PDE4DIP: variants seen among roughly 807,000 people sequenced by gnomAD.
PDE4DIP encodes phosphodiesterase 4D interacting protein.
In PDE4DIP, 59 loss-of-function variants were observed where a neutral mutation model predicts 221.4. That is an observed-to-expected ratio of 0.27 (90% CI 0.22 to 0.33). The LOEUF (loss-of-function observed/expected upper bound fraction) is 0.33. Among genes scored for constraint, PDE4DIP ranks in the 10% least tolerant of loss-of-function variants. The pLI is 1.00. For synonymous variants in PDE4DIP, 404 were observed against 815.9 expected (o/e 0.50, Z 8.60); for missense variants, 1,036 against 2,154.2 (o/e 0.48, Z 10.28).
chr1:149,025,902 C>G (rs1559422016), intron 38 of PDE4DIP: 1 of 152,222 alleles, frequency 6.6e-6, no homozygotes, highest in African/African-American at 2.4e-5. Context: ...GCCTGACCAC[C>G]AGGCACTGCT....
At chr1:149,018,020 G>A (rs2071289915) in intron 34 of PDE4DIP, 141 bp downstream of exon 37, 1 of 688,446 alleles carries the variant, frequency 1.5e-6, no homozygotes, top group African/African-American at 1.8e-5. Flanking sequence ...CCTACTTTCT[G>A]AATATATCTG....
intron 19 of PDE4DIP, among the ~76,000 whole-genome samples, chr1:148,978,661 C>T (rs1193375765): frequency 5.9e-5 from 9 of 152,008 alleles, no homozygotes; most frequent in Non-Finnish European, 1.3e-4. Context: ...CAGCTCACTG[C>T]AGCCTCAAAC....
rs1235067994 is a variant in PDE4DIP, at chr1:148,857,291, T to A, written c.234-5959T>A. On this transcript the variant is annotated intron_variant, in intron 1 of 45. Transcript: ENST00000524974. ...CCACTCTAAACCTCCGGACTTTTTA[T>A]TTCTCTGCGTTCTTTTCTAGTTTGT... is the stretch of plus-strand genomic sequence containing the variant. 1.0e-4 allele frequency among the ~76,000 whole-genome samples: 9 copies of A among 86,030 alleles called. 3 individuals carry two copies. The highest frequency in any genetic ancestry group is 4.1e-4 in the Admixed American group (4 of 9,856). The allele number at this position is 86,030 out of a possible 152,430, so 56.4% of individuals were successfully genotyped here. A position where few individuals can be genotyped will look rare whatever the true frequency, so the allele number is the denominator to read the frequency against.
exon 27 of PDE4DIP, chr1:149,005,039 G>C: frequency 6.2e-7 from 1 of 1,604,086 alleles, no homozygotes; most frequent in Non-Finnish European, 8.5e-7. Flanking sequence ...TAGGGAAGCA[G>C]GAAGAGTTCC....
At chr1:148,912,328 T>C (rs1553454998) in intron 1 of PDE4DIP, among the ~76,000 whole-genome samples, 2 of 145,316 alleles carry the variant, frequency 1.4e-5, no homozygotes, top group African/African-American at 5.3e-5. Flanking sequence ...AGTTTTTCCT[T>C]TCATGTTTTG....
intron 22 of PDE4DIP, chr1:148,992,349 T>C (rs781821597): frequency 1.2e-5 from 18 of 1,559,562 alleles, no homozygotes; most frequent in Non-Finnish European, 1.5e-5. Flanking sequence ...CAGGGAGTCA[T>C]CGAAGGGCTG....
intron 14 of PDE4DIP, among the ~76,000 whole-genome samples, chr1:148,971,875 C>CAAAATTG (rs2059285137): frequency 7.2e-6 from 1 of 138,148 alleles, no homozygotes; most frequent in Non-Finnish European, 1.6e-5. Flanking sequence ...AAACCAGAAT[C>CAAAATTG]TTAACACCTT....
At chr1:148,963,734 CTCTT>C (rs1231484506) in intron 9 of PDE4DIP, among the ~76,000 whole-genome samples, 1 of 147,188 alleles carries the variant, frequency 6.8e-6, no homozygotes, top group Non-Finnish European at 1.5e-5. Flanking sequence ...TCTTTCCTCT[CTCTT>C]TCTTTCCTTC....
chr1:148,931,736 C>T (rs2798871), intron 2 of PDE4DIP, 64 bp from the exon 6 acceptor site: 118,808 of 1,169,180 alleles, frequency 0.1, 1,753 homozygotes, highest in African/African-American at 0.21. Context: ...AAAGAACAAC[C>T]TTAATGGTTC....
exon 31 of PDE4DIP, chr1:149,010,558 C>T (rs782574602): frequency 6.2e-7 from 1 of 1,614,108 alleles, no homozygotes; most frequent in Non-Finnish European, 8.5e-7. Flanking sequence ...TGCCAACTCC[C>T]CAGAATACCC....
chr1:148,919,702 A>G (rs1371712519), intron 1 of PDE4DIP, among the ~76,000 whole-genome samples: 6 of 151,726 alleles, frequency 4.0e-5, no homozygotes, highest in Non-Finnish European at 5.9e-5. Flanking sequence ...AATAAAACCC[A>G]TTCACTAATA....
At chr1:149,023,881 T>G (rs1433489984) in intron 37 of PDE4DIP, among the ~76,000 whole-genome samples, 1 of 151,202 alleles carries the variant, frequency 6.6e-6, no homozygotes, top group Non-Finnish European at 1.5e-5. Flanking sequence ...ACAACATATA[T>G]AAACACACTA....
chr1:148,995,506 A>G (rs587645033), intron 22 of PDE4DIP, among the ~76,000 whole-genome samples: 251 of 152,304 alleles, frequency 1.6e-3, no homozygotes, highest in African/African-American at 5.7e-3. Context: ...TTCAAACAGG[A>G]TATCAGATTT....
intron 5 of PDE4DIP, among the ~76,000 whole-genome samples, chr1:148,939,095 CTG>C (rs2049944223): frequency 8.3e-6 from 1 of 120,838 alleles, no homozygotes; most frequent in Admixed American, 9.0e-5. Context: ...AGAGAACTCA[CTG>C]TGGTAAAAAA....
At chr1:148,966,912 G>C (rs1553519293) in exon 12 of PDE4DIP, 14 of 1,611,620 alleles carry the variant, frequency 8.7e-6, no homozygotes, top group African/African-American at 1.3e-5. Flanking sequence ...CTTGCTGTGA[G>C]AGAGCGAGAT....
chr1:148,937,704 T>C (rs782444117), intron 4 of PDE4DIP, 43 bp from the exon 8 acceptor site: 2 of 971,846 alleles, frequency 2.1e-6, no homozygotes, highest in Non-Finnish European at 3.3e-6. Context: ...GTAATAATAG[T>C]ATCATGATCA....
chr1:148,940,728 T>C (rs1251258186), intron 5 of PDE4DIP, among the ~76,000 whole-genome samples: 1 of 149,552 alleles, frequency 6.7e-6, no homozygotes, highest in Non-Finnish European at 1.5e-5. Flanking sequence ...GTGTGGAGAA[T>C]AGAAAGCCTC....
At chr1:149,029,843 G>A (rs2076199647) in exon 42 of PDE4DIP, 1 of 1,609,246 alleles carries the variant, frequency 6.2e-7, no homozygotes, top group Non-Finnish European at 8.5e-7. Context: ...CCAAACAGGA[G>A]CGACTCCTTC....
exon 42 of PDE4DIP, chr1:149,029,825 C>G: frequency 1.3e-6 from 2 of 1,597,552 alleles, no homozygotes; most frequent in Non-Finnish European, 1.7e-6. Flanking sequence ...AACTGAGAAC[C>G]AAAGTATCCA....
Sources: gnomAD v4.1 joint callset for allele counts (sites outside exome capture counted in the v4.1 genomes callset) on GRCh38, gnomAD v4.1.1 for gene constraint, MANE v1.5 for transcripts, NCBI Gene and HGNC (gene_info 2026-07-23, HGNC 2026-07-21) for gene names.